FABP6: variants seen among roughly 807,000 people sequenced by gnomAD.
FABP6 encodes the protein fatty acid binding protein 6.
Under a neutral mutation model 14.9 loss-of-function variants are expected in FABP6, and 13 were observed. The ratio of observed to expected loss-of-function variants is 0.87; its 90% CI spans 0.57 to 1.39. FABP6 has a LOEUF of 1.39. FABP6 is among the 40% of genes most tolerant of loss of function. The pLI is 0.00. For missense variants in FABP6, 161 were observed against 167.2 expected, an observed-to-expected ratio of 0.96 and a Z score of 0.20; for synonymous variants, 75 against 63.6, an observed-to-expected ratio of 1.18 and a Z score of -0.85.
At chr5:160,222,366 C>T (rs1760147084) in intron 3 of FABP6, among the ~76,000 whole-genome samples, 1 of 152,076 alleles carries the variant, frequency 6.6e-6, no homozygotes, top group Non-Finnish European at 1.5e-5. Context: ...TGGAGTCTTG[C>T]TCTGTTGCCC....
chr5:160,233,965 CA>C, intron 2 of FABP6, among the ~76,000 whole-genome samples: 1 of 152,146 alleles, frequency 6.6e-6, no homozygotes. Context: ...ATGGTGGGAC[CA>C]GGGATTTGAA....
At chr5:160,235,773 TTC>T (rs141776542) in intron 3 of FABP6, among the ~76,000 whole-genome samples, 17 of 149,974 alleles carry the variant, frequency 1.1e-4, no homozygotes, top group African/African-American at 1.7e-4. Flanking sequence ...TCTTTGATCC[TTC>T]TCTCTCTCTC....
intron 3 of FABP6, among the ~76,000 whole-genome samples, chr5:160,236,854 C>T (rs912471609): frequency 6.6e-6 from 1 of 151,246 alleles, no homozygotes; most frequent in Non-Finnish European, 1.5e-5. Flanking sequence ...TGGTGGTGCA[C>T]ACCTGTAATC....
intron 3 of FABP6, among the ~76,000 whole-genome samples, chr5:160,222,299 C>T (rs553171862): frequency 8.6e-4 from 130 of 151,828 alleles, no homozygotes; most frequent in African/African-American, 2.9e-3. Flanking sequence ...TATATTGCCC[C>T]GGCTGGTCTC....
intron 3 of FABP6, among the ~76,000 whole-genome samples, chr5:160,215,515 GAGA>G (rs940606616): frequency 1.2e-4 from 15 of 127,804 alleles, no homozygotes; most frequent in Admixed American, 2.3e-4. Context: ...CTCTGTCTCA[GAGA>G]AAAAAAAAAA....
At chr5:160,213,242 A>T (rs1312300459) in intron 2 of FABP6, among the ~76,000 whole-genome samples, 1 of 152,238 alleles carries the variant, frequency 6.6e-6, no homozygotes, top group Non-Finnish European at 1.5e-5. Flanking sequence ...TGAAAAGGCC[A>T]GTACTCATGT....
intron 3 of FABP6, among the ~76,000 whole-genome samples, chr5:160,238,398 C>G (rs1760564812): frequency 6.6e-6 from 1 of 152,220 alleles, no homozygotes; most frequent in Admixed American, 6.5e-5. Context: ...CCCAGAGCCA[C>G]ATCACCCCTC....
At chr5:160,194,656 G>T (rs1453990318) in intron 1 of FABP6, among the ~76,000 whole-genome samples, 1 of 152,120 alleles carries the variant, frequency 6.6e-6, no homozygotes, top group Non-Finnish European at 1.5e-5. Flanking sequence ...CCTATCCACC[G>T]CACTCCAACT....
intron 2 of FABP6, among the ~76,000 whole-genome samples, chr5:160,205,283 A>G (rs958708196): frequency 1.5e-5 from 2 of 135,104 alleles, no homozygotes; most frequent in African/African-American, 2.8e-5. Context: ...GCACCACTGC[A>G]CTTTAGCCTG....
chr5:160,218,961 A>C (rs948045382), intron 3 of FABP6, among the ~76,000 whole-genome samples: 1 of 152,058 alleles, frequency 6.6e-6, no homozygotes, highest in African/African-American at 2.4e-5. Context: ...GGGTCTTACT[A>C]TGTAGGCCAC....
Position 160,234,380 on chromosome 5 carries a change from CTTTTT to C in FABP6, c.244-422_244-418del, listed in dbSNP as rs35775372. Among the ~76,000 whole-genome samples the C allele has an allele frequency of 3.9e-3, 330 of 84,082 alleles. 5 individuals carry two copies. Among genetic ancestry groups the C allele is most frequent in the African/African-American group, 0.013 (300 of 22,616 alleles). The allele number at this position is 84,082 out of a possible 152,430, so 55.2% of individuals were successfully genotyped here. On this transcript the variant is annotated intron_variant, in intron 2 of 3. Transcript: ENST00000402432. ...TTCATACTTTCTCTAAGAAATCTGACTTTTTTTTTTTTTTTTTTTTTTACCTACAA... is the reference window on the plus strand; with the variant it reads ...TTCATACTTTCTCTAAGAAATCTGACTTTTTTTTTTTTTTTTTACCTACAA...
At chr5:160,218,478 T>TTTTTA (rs1760063569) in intron 3 of FABP6, among the ~76,000 whole-genome samples, 2 of 146,882 alleles carry the variant, frequency 1.4e-5, no homozygotes, top group African/African-American at 2.5e-5. Context: ...TTTTTTTTTT[T>TTTTTA]GAGATGGAGT....
intron 1 of FABP6, among the ~76,000 whole-genome samples, chr5:160,189,174 C>T (rs1310472547): frequency 1.1e-4 from 16 of 152,142 alleles, no homozygotes; most frequent in Admixed American, 1.0e-3. Context: ...TGATGTGTTT[C>T]CATGAAGCTT....
chr5:160,189,402 C>T (rs984061539), intron 1 of FABP6, among the ~76,000 whole-genome samples: 7 of 152,148 alleles, frequency 4.6e-5, no homozygotes, highest in African/African-American at 7.2e-5. Context: ...CCACCACACC[C>T]GGCTAATTTT....
chr5:160,216,552 G>A (rs1760017054), intron 3 of FABP6, among the ~76,000 whole-genome samples: 1 of 152,166 alleles, frequency 6.6e-6, no homozygotes, highest in South Asian at 2.1e-4. Flanking sequence ...ACAGGCATGA[G>A]CCACCGTGCC....
At chr5:160,229,267 A>T (rs1397007294), upstream of FABP6, among the ~76,000 whole-genome samples, 1 of 152,002 alleles carries the variant, frequency 6.6e-6, no homozygotes, top group East Asian at 1.9e-4. Flanking sequence ...ACGGAGGGAG[A>T]GATGGGCAGA....
intron 1 of FABP6, chr5:160,199,039 G>A: frequency 6.4e-7 from 1 of 1,562,358 alleles, no homozygotes; most frequent in South Asian, 1.1e-5. Flanking sequence ...GGCTTTTTGT[G>A]TCATTGCAGA....
At chr5:160,225,873 A>G (rs1760233587), upstream of FABP6, among the ~76,000 whole-genome samples, 1 of 152,114 alleles carries the variant, frequency 6.6e-6, no homozygotes, top group Non-Finnish European at 1.5e-5. Flanking sequence ...AAGAGGGAGG[A>G]AGAGAGTAGA....
chr5:160,191,296 T>C (rs1413842474), intron 1 of FABP6, among the ~76,000 whole-genome samples: 1 of 151,848 alleles, frequency 6.6e-6, no homozygotes, highest in Non-Finnish European at 1.5e-5. Flanking sequence ...TGACACCCCG[T>C]CTTTACTAAA....
Sources: allele counts gnomAD v4.1 joint callset (sites outside exome capture counted in the v4.1 genomes callset), GRCh38; gene constraint gnomAD v4.1.1; transcripts MANE v1.5; gene names NCBI Gene and HGNC (gene_info 2026-07-23, HGNC 2026-07-21).